SH3GL3: variants seen among roughly 807,000 people sequenced by gnomAD.
The protein encoded by SH3GL3 is endophilin-A3.
SH3GL3 carries 33 observed loss-of-function variants against 47.7 expected under a neutral mutation model. That is an observed-to-expected ratio of 0.69 (90% CI 0.52 to 0.92). SH3GL3 has a LOEUF of 0.92. Ranked by LOEUF, SH3GL3 falls within the 40% of genes least tolerant of loss-of-function variation. The pLI, the probability that SH3GL3 is intolerant of heterozygous loss-of-function variation, is 0.00. For missense variants in SH3GL3, 363 were observed against 417.8 expected (o/e 0.87, Z 1.14); for synonymous variants, 155 against 148.8 (o/e 1.04, Z -0.30).
intron 1 of SH3GL3, among the ~76,000 whole-genome samples, chr15:83,540,733 G>A (rs2044115354): frequency 6.6e-6 from 1 of 152,024 alleles, no homozygotes; most frequent in African/African-American, 2.4e-5. Context: ...TGTAATGATT[G>A]TCAGGGTAAA....
chr15:83,460,729 G>A (rs979609517), intron 1 of SH3GL3, among the ~76,000 whole-genome samples: 2 of 152,188 alleles, frequency 1.3e-5, no homozygotes, highest in African/African-American at 4.8e-5. Flanking sequence ...TACGTAAACT[G>A]TATAAGAGTC....
intron 1 of SH3GL3, among the ~76,000 whole-genome samples, chr15:83,516,082 T>A (rs1428730388): frequency 7.1e-6 from 1 of 140,438 alleles, no homozygotes; most frequent in Non-Finnish European, 1.5e-5. Flanking sequence ...TTAAAGTCAG[T>A]GTAGTAATAG....
chr15:83,486,378 C>T (rs2041597058), intron 1 of SH3GL3, among the ~76,000 whole-genome samples: 1 of 152,172 alleles, frequency 6.6e-6, no homozygotes, highest in South Asian at 2.1e-4. Flanking sequence ...AACCTCATAC[C>T]CTTTAAGCAG....
chr15:83,513,454 G>C (rs566093291), intron 1 of SH3GL3, among the ~76,000 whole-genome samples: 1 of 152,064 alleles, frequency 6.6e-6, no homozygotes, highest in Non-Finnish European at 1.5e-5. Flanking sequence ...GTCCCTAGAC[G>C]TGCTGGACAT....
intron 1 of SH3GL3, among the ~76,000 whole-genome samples, chr15:83,456,630 G>A (rs978415296): frequency 7.3e-6 from 1 of 136,384 alleles, no homozygotes; most frequent in African/African-American, 2.8e-5. Context: ...GACCCCTTGC[G>A]CTTCCCAGGT....
intron 1 of SH3GL3, among the ~76,000 whole-genome samples, chr15:83,509,185 T>C (rs963716573): frequency 6.6e-6 from 1 of 152,236 alleles, no homozygotes; most frequent in Non-Finnish European, 1.5e-5. Context: ...GGTCAAGCCT[T>C]GTCCTGGATA....
chr15:83,469,878 A>G (rs1439673224), intron 1 of SH3GL3, among the ~76,000 whole-genome samples: 1 of 151,962 alleles, frequency 6.6e-6, no homozygotes, highest in African/African-American at 2.4e-5. Context: ...ATCCTTACTG[A>G]TTTTCTGTCT....
chr15:83,607,840 AAAT>A (rs60113695), intron 8 of SH3GL3, among the ~76,000 whole-genome samples: 31,630 of 142,720 alleles, frequency 0.22, 3,565 homozygotes, highest in South Asian at 0.25. Flanking sequence ...TCAGAGTGGC[AAAT>A]AATAATAATA....
chr15:83,479,530 G>A (rs1048555445), intron 1 of SH3GL3, among the ~76,000 whole-genome samples: 4 of 152,180 alleles, frequency 2.6e-5, no homozygotes, highest in Admixed American at 2.6e-4. Context: ...AGCCACCTGA[G>A]AGTTATCCCA....
intron 6 of SH3GL3, among the ~76,000 whole-genome samples, chr15:83,580,926 G>A (rs749222402): frequency 2.0e-5 from 3 of 152,248 alleles, no homozygotes; most frequent in Non-Finnish European, 4.4e-5. Context: ...AGAAGCATTC[G>A]CTCCAAAGAG....
intron 1 of SH3GL3, among the ~76,000 whole-genome samples, chr15:83,528,032 C>T (rs2043502786): frequency 6.6e-6 from 1 of 152,080 alleles, no homozygotes; most frequent in African/African-American, 2.4e-5. Flanking sequence ...GACTTTATTT[C>T]TCCTTATTTT....
At chr15:83,486,838 GC>G (rs2041618876) in intron 1 of SH3GL3, among the ~76,000 whole-genome samples, 1 of 152,164 alleles carries the variant, frequency 6.6e-6, no homozygotes, top group Non-Finnish European at 1.5e-5. Flanking sequence ...CTTGGAAAGG[GC>G]CCGCTTCCTG....
chr15:83,506,912 C>T (rs953214758), intron 1 of SH3GL3, among the ~76,000 whole-genome samples: 4 of 151,502 alleles, frequency 2.6e-5, no homozygotes, highest in East Asian at 1.9e-4. Flanking sequence ...ATCTGTTTAC[C>T]GTAACAGGTT....
At chr15:83,551,805 A>C (rs1034613560) in intron 1 of SH3GL3, among the ~76,000 whole-genome samples, 6 of 152,172 alleles carry the variant, frequency 3.9e-5, no homozygotes, top group Non-Finnish European at 1.5e-5. Flanking sequence ...ATATAGCTGG[A>C]TTTTTTAAAA....
At chr15:83,614,328 G>A (rs1490190064) in intron 8 of SH3GL3, among the ~76,000 whole-genome samples, 1 of 152,148 alleles carries the variant, frequency 6.6e-6, no homozygotes, top group Non-Finnish European at 1.5e-5. Context: ...TTAGGCAGGG[G>A]TGGGGTCTGT....
chr15:83,486,167 C>T (rs2151567979), intron 1 of SH3GL3, among the ~76,000 whole-genome samples: 1 of 152,338 alleles, frequency 6.6e-6, no homozygotes, highest in East Asian at 1.9e-4. Context: ...TATGGCCAGC[C>T]TGTATGAATC....
chr15:83,569,610 T>A lies in SH3GL3; in HGVS notation c.331+938T>A, dbSNP rs532487812. 3.9e-5 allele frequency among the ~76,000 whole-genome samples: 6 copies of A among 152,296 alleles called. No homozygotes were observed. The East Asian group carries it at 1.2e-3, about 29-fold the overall frequency. On this transcript the variant is annotated intron_variant, in intron 4 of 8. Transcript: ENST00000427482. ...CTACCCTTCAGAAGGGTTACACTCA[T>A]TTGACACTGTTGCCAGGAGTGAGTG...
chr15:83,615,246 G>A (rs757149036), intron 8 of SH3GL3, among the ~76,000 whole-genome samples: 1 of 152,078 alleles, frequency 6.6e-6, no homozygotes, highest in Non-Finnish European at 1.5e-5. Flanking sequence ...GAATTCATGA[G>A]AATAGCAAGG....
intron 1 of SH3GL3, among the ~76,000 whole-genome samples, chr15:83,499,854 C>T (rs1437162735): frequency 6.6e-6 from 1 of 152,156 alleles, no homozygotes; most frequent in Non-Finnish European, 1.5e-5. Context: ...TAGGGCCTGG[C>T]CACAGAATGA....
Sources: gnomAD v4.1 joint callset for allele counts (sites outside exome capture counted in the v4.1 genomes callset) on GRCh38, gnomAD v4.1.1 for gene constraint, MANE v1.5 for transcripts, NCBI Gene and HGNC (gene_info 2026-07-23, HGNC 2026-07-21) for gene names.